Variants in PTPN14 observed in about 807,000 individuals in gnomAD.
PTPN14 encodes protein tyrosine phosphatase non-receptor type 14, also known as tyrosine-protein phosphatase non-receptor type 14.
Under a neutral mutation model 126.8 loss-of-function variants are expected in PTPN14, and 53 were observed. The ratio of observed to expected loss-of-function variants is 0.42; its 90% CI spans 0.34 to 0.53. The LOEUF (loss-of-function observed/expected upper bound fraction) is 0.53. PTPN14 is among the 20% of genes least tolerant of loss of function. PTPN14 has a pLI of 0.08. For synonymous variants in PTPN14, 630 were observed against 599.3 expected (o/e 1.05, Z -0.75); for missense variants, 1,257 against 1,552.9 (o/e 0.81, Z 3.20).
Position 214,364,971 on chromosome 1 carries a change from C to G in PTPN14, c.3272-296G>C, listed in dbSNP as rs1452476124. Among the ~76,000 whole-genome samples, 3 of 151,796 alleles carry G rather than the reference C, an allele frequency of 2.0e-5. No homozygotes were observed. Among genetic ancestry groups the G allele is most frequent in the African/African-American group, 7.3e-5 (3 of 41,278 alleles). On this transcript the variant is annotated intron_variant, in intron 17 of 18. Coordinates refer to ENST00000366956, the MANE Select transcript of PTPN14 (RefSeq NM_005401.5). The surrounding 1 kb of genome is among the most constrained non-coding windows in gnomAD (Gnocchi z 4.1). ...TTTTTAAAAATTAAATTCTGTTTTC[C>G]CCTCTGCAAATCCCTAAGTCCCTCA...
intron 1 of PTPN14, among the ~76,000 whole-genome samples, chr1:214,485,012 A>G (rs1180981843): frequency 1.3e-5 from 2 of 152,258 alleles, no homozygotes; most frequent in African/African-American, 4.8e-5. Flanking sequence ...TGTGTTCAAC[A>G]AAGAAAATGC....
chr1:214,466,554 GC>G (rs1660643753), intron 1 of PTPN14, among the ~76,000 whole-genome samples: 1 of 152,094 alleles, frequency 6.6e-6, no homozygotes, highest in African/African-American at 2.4e-5. Flanking sequence ...AACAAAAGTG[GC>G]CTTATTGCTC....
intron 1 of PTPN14, among the ~76,000 whole-genome samples, chr1:214,489,326 C>G (rs1246703519): frequency 6.6e-6 from 1 of 152,112 alleles, no homozygotes; most frequent in East Asian, 1.9e-4. Flanking sequence ...AGAGCCAAAC[C>G]CAAAACCGTA....
At chr1:214,497,542 T>C (rs1421988974) in intron 1 of PTPN14, among the ~76,000 whole-genome samples, 1 of 152,090 alleles carries the variant, frequency 6.6e-6, no homozygotes, top group Non-Finnish European at 1.5e-5. Flanking sequence ...TCTACATACA[T>C]CTATGAAAAA....
In PTPN14 at chr1:214,487,225, ACAGGAATTAAAGTGAAAG is replaced by A. The variant is rs1470095504; in HGVS notation, c.-154-22286_-154-22269del. On this transcript the variant is annotated intron_variant, in intron 1 of 18. Transcript: ENST00000366956. ...TAGAGAAAGAAAAGGAGAAGGAAAG[ACAGGAATTAAAGTGAAAG>A]ACAGGAATTAAAGTGAAGGAAGGAG... 4.5e-3 allele frequency among the ~76,000 whole-genome samples: 7 copies of A among 1,560 alleles called. No individual in the cohort carries two copies. In the African/African-American group the frequency reaches 0.064, roughly 14 times the overall value. The allele number at this position is 1,560 out of a possible 152,430, so 1.0% of individuals were successfully genotyped here.
At chr1:214,433,814 C>T (rs540595608) in intron 3 of PTPN14, among the ~76,000 whole-genome samples, 6 of 151,958 alleles carry the variant, frequency 3.9e-5, no homozygotes, top group Non-Finnish European at 5.9e-5. Flanking sequence ...TAGAGCTGGG[C>T]GTGGTAGCTC....
At chr1:214,541,784 C>T (rs111819644) in intron 1 of PTPN14, among the ~76,000 whole-genome samples, 2,049 of 152,232 alleles carry the variant, frequency 0.013, 51 homozygotes, top group African/African-American at 0.046. Flanking sequence ...TATTTTTTCT[C>T]AATATTTGTA....
intron 1 of PTPN14, among the ~76,000 whole-genome samples, chr1:214,541,441 A>C (rs2102483274): frequency 6.6e-6 from 1 of 152,254 alleles, no homozygotes; most frequent in Middle Eastern, 3.4e-3. Context: ...ACCTGATCTC[A>C]CCTGCCCTTC....
At position 214,462,529 on chromosome 1, in the gene PTPN14, T is replaced by G. The variant is rs74139877; in HGVS notation, c.174+2101A>C. Among the ~76,000 whole-genome samples, 3 of 152,328 alleles carry G rather than the reference T, an allele frequency of 2.0e-5. No individual in the cohort carries two copies. In the South Asian group the frequency reaches 6.2e-4, roughly 32 times the overall value. Reference sequence around the variant, plus strand: ...CCTTCTTTTCTACCTGCTGGACTGATACATGTCCTTCAAGTTTTGGTTCAG... The same window carrying G: ...CCTTCTTTTCTACCTGCTGGACTGAGACATGTCCTTCAAGTTTTGGTTCAG... On this transcript the variant is annotated intron_variant, in intron 2 of 18. Transcript: ENST00000366956.
intron 2 of PTPN14, among the ~76,000 whole-genome samples, chr1:214,461,332 A>G (rs977718363): frequency 6.6e-6 from 1 of 152,192 alleles, no homozygotes; most frequent in African/African-American, 2.4e-5. Context: ...CCAAGACTTC[A>G]TAAAGGCTAA....
At chr1:214,446,027 A>C (rs956545194) in intron 3 of PTPN14, among the ~76,000 whole-genome samples, 2 of 152,172 alleles carry the variant, frequency 1.3e-5, no homozygotes, top group Non-Finnish European at 2.9e-5. Flanking sequence ...TGAGAAGCAA[A>C]GCAAAATGGA....
At chr1:214,411,659 T>C in intron 5 of PTPN14, 25 bp downstream of exon 5, 2 of 1,425,118 alleles carry the variant, frequency 1.4e-6, no homozygotes, top group Non-Finnish European at 9.6e-7. Flanking sequence ...AGAAAATTAA[T>C]TAAGAAAAAT....
chr1:214,360,024 T>G (rs1657917647), intron 18 of PTPN14, among the ~76,000 whole-genome samples: 1 of 152,172 alleles, frequency 6.6e-6, no homozygotes, highest in South Asian at 2.1e-4. Context: ...CCAGGACACA[T>G]ACGGCTGGAG....
intron 3 of PTPN14, among the ~76,000 whole-genome samples, chr1:214,417,393 G>T (rs1446209762): frequency 6.6e-6 from 1 of 152,102 alleles, no homozygotes; most frequent in South Asian, 2.1e-4. Context: ...CTAGTCTCTG[G>T]GGGCCTCATC....
intron 1 of PTPN14, among the ~76,000 whole-genome samples, chr1:214,523,665 G>A (rs1655316992): frequency 6.6e-6 from 1 of 152,182 alleles, no homozygotes; most frequent in South Asian, 2.1e-4. Context: ...CCTGAGTGCA[G>A]TTTCAGTGAC....
intron 3 of PTPN14, among the ~76,000 whole-genome samples, chr1:214,430,893 A>G (rs4615815): frequency 0.46 from 70,031 of 152,002 alleles, 16,706 homozygotes; most frequent in African/African-American, 0.58. Flanking sequence ...TAGATTGAAA[A>G]CCCCATTCAG....
chr1:214,461,229 T>C lies in PTPN14; in HGVS notation c.174+3401A>G, dbSNP rs530498785. ...TTAATAAAAAAATTTTAATCCACCATACATCCTTTCCTAATATAAAGCTAT... is the reference window on the plus strand; with the variant it reads ...TTAATAAAAAAATTTTAATCCACCACACATCCTTTCCTAATATAAAGCTAT... On this transcript the variant is annotated intron_variant, in intron 2 of 18. Coordinates refer to ENST00000366956, the MANE Select transcript of PTPN14 (RefSeq NM_005401.5). Among the ~76,000 whole-genome samples the C allele has an allele frequency of 7.9e-5, 12 of 152,352 alleles. No homozygotes were observed. In the East Asian group the frequency reaches 2.3e-3, roughly 29 times the overall value.
Position 214,550,759 on chromosome 1 carries a change from G to C in PTPN14, c.-155+424C>G, listed in dbSNP as rs1217008404. On this transcript the variant is annotated intron_variant, in intron 1 of 18. Transcript: ENST00000366956. The stretch of plus-strand genomic sequence containing the variant: ...CCCGGTGGTGGTGGGGTGTGATTGG[G>C]AGCGTCGGGCAGCTGCATCCCCCTA... 2.0e-5 allele frequency among the ~76,000 whole-genome samples: 3 copies of C among 152,132 alleles called. No homozygotes were observed. The East Asian group carries it at 5.8e-4, about 29-fold the overall frequency.
At position 214,384,192 on chromosome 1, in the gene PTPN14, T is replaced by C; in HGVS notation, c.1663A>G (p.Thr555Ala). ...AGATAGTTCTTAAGCATGTGGGCCG[T>C]GCTGTAGTTATGGCTGCCCTGCAGC... is the stretch of plus-strand genomic sequence containing the variant. ...MQLQGSHNYSTAHMLKNYLFR... is the reference protein window; with the variant it reads ...MQLQGSHNYSAAHMLKNYLFR... The change falls in exon 13 of 19, where the codon ACG becomes GCG. Residue 555 changes from threonine to alanine, a missense_variant. Transcript: ENST00000366956. The surrounding 1 kb of genome is among the most constrained non-coding windows in gnomAD (Gnocchi z 5.3). The C allele has an allele frequency of 6.2e-7, 1 of 1,609,838 alleles. No individual in the cohort carries two copies. The highest frequency in any genetic ancestry group is 8.5e-7 in the Non-Finnish European group (1 of 1,178,714).
Sources: gnomAD v4.1 joint callset for allele counts (sites outside exome capture counted in the v4.1 genomes callset) on GRCh38, gnomAD v4.1.1 for gene constraint, Gnocchi (gnomAD v3.1) non-coding constraint, MANE v1.5 for transcripts, NCBI Gene and HGNC (gene_info 2026-07-23, HGNC 2026-07-21) for gene names.